Variants in INO80D observed in about 807,000 individuals in gnomAD.
INO80D encodes the protein INO80 complex subunit D.
Under a neutral mutation model 87.6 loss-of-function variants are expected in INO80D, and 21 were observed. That is an observed-to-expected ratio of 0.24 (90% CI 0.17 to 0.35). The LOEUF is 0.35. Among genes scored for constraint, INO80D ranks in the 10% least tolerant of loss-of-function variants. The pLI is 1.00. For missense variants in INO80D, 982 were observed against 1,280.7 expected (o/e 0.77, Z 3.56); for synonymous variants, 440 against 491.0 (o/e 0.90, Z 1.37).
At chr2:206,069,570 T>C (rs1057437108) in intron 1 of INO80D, among the ~76,000 whole-genome samples, 1 of 152,124 alleles carries the variant, frequency 6.6e-6, no homozygotes, top group African/African-American at 2.4e-5. Flanking sequence ...AAAAAAGTTC[T>C]AATGCAGATT....
intron 5 of INO80D, among the ~76,000 whole-genome samples, chr2:206,043,263 C>T (rs1207225): frequency 0.14 from 21,371 of 152,022 alleles, 1,782 homozygotes; most frequent in Middle Eastern, 0.22. Flanking sequence ...CCTCTGCCTC[C>T]CGCGTTCAAG....
intron 8 of INO80D, among the ~76,000 whole-genome samples, chr2:206,014,802 G>A (rs928121256): frequency 6.6e-6 from 1 of 152,134 alleles, no homozygotes; most frequent in Non-Finnish European, 1.5e-5. Flanking sequence ...ACAGTTTGGA[G>A]GGCTCAGAAG....
At chr2:206,036,831 T>C (rs1261706433) in intron 5 of INO80D, among the ~76,000 whole-genome samples, 1 of 152,232 alleles carries the variant, frequency 6.6e-6, no homozygotes, top group African/African-American at 2.4e-5. Context: ...TATACGATTT[T>C]CTAAAGCTTA....
Position 206,076,017 on chromosome 2 carries a change from A to C in INO80D, c.-124+9884T>G, listed in dbSNP as rs1056981185. Reference sequence around the variant, plus strand: ...CAGTAAGCCAAGATAGCACCACTGCACTCCAGCCTGGGCAATAGAGTGAGA... The same window carrying C: ...CAGTAAGCCAAGATAGCACCACTGCCCTCCAGCCTGGGCAATAGAGTGAGA... On this transcript the variant is annotated intron_variant, in intron 1 of 10. Transcript: ENST00000403263. Among the ~76,000 whole-genome samples the C allele has an allele frequency of 4.6e-4, 68 of 147,516 alleles. 1 individual carries two copies. Among genetic ancestry groups the C allele is most frequent in the Admixed American group, 1.3e-3 (19 of 14,382 alleles).
chr2:206,064,963 GT>G (rs1446894549), intron 1 of INO80D, among the ~76,000 whole-genome samples: 2 of 152,042 alleles, frequency 1.3e-5, no homozygotes, highest in Non-Finnish European at 2.9e-5. Context: ...TTATGAGAAT[GT>G]AAGAAAAAAA....
chr2:206,050,652 T>A (rs1351610604), intron 4 of INO80D, among the ~76,000 whole-genome samples: 2 of 149,088 alleles, frequency 1.3e-5, no homozygotes, highest in African/African-American at 2.5e-5. Flanking sequence ...AGTGTTGGAA[T>A]TAGAGGCAAA....
intron 5 of INO80D, among the ~76,000 whole-genome samples, chr2:206,045,438 A>G (rs1388741119): frequency 1.3e-5 from 2 of 152,240 alleles, no homozygotes; most frequent in Non-Finnish European, 2.9e-5. Flanking sequence ...ATAAATGGTT[A>G]GCTGAGTAAG....
At chr2:206,027,154 G>GCA (rs756509489) in intron 6 of INO80D, among the ~76,000 whole-genome samples, 6 of 81,578 alleles carry the variant, frequency 7.4e-5, no homozygotes, top group Admixed American at 5.7e-4. Context: ...ACGCGCGCAC[G>GCA]CGCACACACA....
chr2:206,079,810 G>A (rs1441686579), intron 1 of INO80D, among the ~76,000 whole-genome samples: 1 of 152,156 alleles, frequency 6.6e-6, no homozygotes, highest in Non-Finnish European at 1.5e-5. Context: ...TGGCCAGACT[G>A]ACCTTTCCCT....
At chr2:206,018,136 T>C (rs950432395) in intron 7 of INO80D, among the ~76,000 whole-genome samples, 10 of 151,992 alleles carry the variant, frequency 6.6e-5, no homozygotes, top group African/African-American at 2.4e-4. Context: ...CCACTTCATG[T>C]TTTTTTTGTT....
At chr2:206,051,135 C>A (rs1054715268) in intron 4 of INO80D, among the ~76,000 whole-genome samples, 1 of 152,020 alleles carries the variant, frequency 6.6e-6, no homozygotes, top group African/African-American at 2.4e-5. Context: ...AGCAAGCAAA[C>A]CAAAACCCAG....
intron 1 of INO80D, among the ~76,000 whole-genome samples, chr2:206,067,688 A>G (rs932463138): frequency 6.6e-6 from 1 of 152,208 alleles, no homozygotes; most frequent in African/African-American, 2.4e-5. Context: ...AAGCAAATCC[A>G]TGCCATTTTT....
rs1219258279 is a variant in INO80D at position 206,085,809 on chromosome 2, C to G, written c.-124+92G>C. ...CGGCGAATCCCCGGCCTCACGTAAG[C>G]GCGCTCGCCGCCCGCCCAGCCTGCG... On this transcript the variant is annotated intron_variant, in intron 1 of 10. Coordinates refer to ENST00000403263, the MANE Select transcript of INO80D (RefSeq NM_017759.5). This position sits in a 1 kb window ranked among gnomAD's most constrained non-coding sequence, Gnocchi z 4.5. 1 of 151,950 alleles carries G rather than the reference C, an allele frequency of 6.6e-6. No homozygotes were observed. The allele number at this position is 151,950 out of a possible 1,614,324, so 9.4% of individuals were successfully genotyped here. A position where few individuals can be genotyped will look rare whatever the true frequency, so the allele number is the denominator to read the frequency against.
At chr2:206,058,683 G>A (rs1046962998) in intron 3 of INO80D, among the ~76,000 whole-genome samples, 2 of 152,066 alleles carry the variant, frequency 1.3e-5, no homozygotes, top group African/African-American at 4.8e-5. Flanking sequence ...GCAGTGAGCT[G>A]AGACTGCACC....
intron 5 of INO80D, 61 bp downstream of exon 5, chr2:206,046,443 G>T: frequency 8.7e-7 from 1 of 1,150,980 alleles, no homozygotes; most frequent in Non-Finnish European, 1.3e-6. Context: ...ACTCCAGCCT[G>T]GGTGACAGAG....
At position 206,004,273 on chromosome 2, in the gene INO80D, A is replaced by T; in HGVS notation, c.*95T>A. ...GGTGCCCCTCTGATCCCCATCTGTTATATCTTCTTTAGGAAAAGGGGAGAG... is the reference window on the plus strand; with the variant it reads ...GGTGCCCCTCTGATCCCCATCTGTTTTATCTTCTTTAGGAAAAGGGGAGAG... On this transcript the variant is annotated 3_prime_UTR_variant, in exon 11 of 11. Coordinates refer to ENST00000403263, the MANE Select transcript of INO80D (RefSeq NM_017759.5). This position sits in a 1 kb window ranked among gnomAD's most constrained non-coding sequence, Gnocchi z 4.9. 4 of 1,178,702 alleles carry T rather than the reference A, an allele frequency of 3.4e-6. No individual in the cohort carries two copies. In the Admixed American group the frequency reaches 6.7e-5, roughly 20 times the overall value. The allele number at this position is 1,178,702 out of a possible 1,614,324, so 73.0% of individuals were successfully genotyped here.
At chr2:206,030,208 C>A (rs1688723969) in intron 5 of INO80D, among the ~76,000 whole-genome samples, 1 of 152,194 alleles carries the variant, frequency 6.6e-6, no homozygotes, top group South Asian at 2.1e-4. Flanking sequence ...TACGATGGCT[C>A]ACATCTGTAA....
At chr2:206,046,908 GTAGC>G (rs548978087) in intron 4 of INO80D, among the ~76,000 whole-genome samples, 78 of 152,126 alleles carry the variant, frequency 5.1e-4, no homozygotes, top group African/African-American at 1.8e-3. Context: ...GGCCTCCCGA[GTAGC>G]CAGGACTACA....
Position 206,005,970 on chromosome 2 carries a change from C to T in INO80D, c.1919-437G>A, listed in dbSNP as rs765161940. ...TCCACCTTGCCTGTTCTACTCCTGA[C>T]TCTCCCAGCTGGAGGGCAGCTGTGG... On this transcript the variant is annotated intron_variant, in intron 10 of 10. Transcript: ENST00000403263. Among the ~76,000 whole-genome samples the T allele has an allele frequency of 7.9e-5, 12 of 152,168 alleles. 2 individuals are homozygous for T. In the South Asian group the frequency reaches 2.3e-3, roughly 29 times the overall value.
Sources: gnomAD v4.1 joint callset for allele counts (sites outside exome capture counted in the v4.1 genomes callset) on GRCh38, gnomAD v4.1.1 for gene constraint, Gnocchi (gnomAD v3.1) non-coding constraint, MANE v1.5 for transcripts, NCBI Gene and HGNC (gene_info 2026-07-23, HGNC 2026-07-21) for gene names.